The following WWOX variants were observed in gnomAD, a reference collection of about 807,000 sequenced individuals.
WWOX encodes the protein WW domain containing oxidoreductase, also known as WW domain-containing oxidoreductase.
In WWOX, 69 loss-of-function variants were observed where a neutral mutation model predicts 46.2. The observed-to-expected ratio is 1.49, with a 90% CI of 1.23 to 1.82. WWOX has a LOEUF of 1.82. Ranked by LOEUF, WWOX falls within the 40% of genes most tolerant of loss-of-function variation. The probability of loss-of-function intolerance (pLI) is 0.00; values close to 1 mark genes in which losing one functional copy is unlikely to be tolerated. For missense variants in WWOX, 919 were observed against 542.6 expected (o/e 1.69, Z -6.89); for synonymous variants, 359 against 202.6 (o/e 1.77, Z -6.56).
intron 8 of WWOX, among the ~76,000 whole-genome samples, chr16:78,801,260 A>C (rs545447940): frequency 2.7e-4 from 41 of 152,254 alleles, no homozygotes; most frequent in African/African-American, 9.6e-4. Flanking sequence ...CTGTAATCCC[A>C]GCTCTTTGGG....
chr16:79,177,683 C>G (rs550841499), intron 8 of WWOX, among the ~76,000 whole-genome samples: 2 of 152,178 alleles, frequency 1.3e-5, no homozygotes, highest in African/African-American at 2.4e-5. Context: ...ATGCTTGGCA[C>G]TTACATTTGA....
In WWOX at chr16:78,628,126, C is replaced by G. The variant is rs535257032; in HGVS notation, c.1056+195374C>G. On this transcript the variant is annotated intron_variant, in intron 8 of 8. Coordinates refer to ENST00000566780, the MANE Select transcript of WWOX (RefSeq NM_016373.4). ...CCTACAGTGGAATGAACCTTCACACCGAGGATCTGCTTCCTTTGTTGGAGG... is the reference window on the plus strand; with the variant it reads ...CCTACAGTGGAATGAACCTTCACACGGAGGATCTGCTTCCTTTGTTGGAGG... Among the ~76,000 whole-genome samples, 4 of 152,220 alleles carry G rather than the reference C, an allele frequency of 2.6e-5. No individual in the cohort carries two copies. The South Asian group carries it at 8.3e-4, about 32-fold the overall frequency.
At chr16:78,146,450 T>G (rs770866851) in intron 4 of WWOX, among the ~76,000 whole-genome samples, 12 of 151,930 alleles carry the variant, frequency 7.9e-5, no homozygotes, top group Non-Finnish European at 1.2e-4. Flanking sequence ...AGCTGTCGAG[T>G]CTCCAGAAGT....
intron 8 of WWOX, among the ~76,000 whole-genome samples, chr16:79,064,153 G>A (rs900836559): frequency 2.0e-5 from 3 of 152,166 alleles, no homozygotes; most frequent in African/African-American, 7.2e-5. Context: ...TTCCATCACA[G>A]GCAAAATGTG....
chr16:78,636,379 A>T (rs865903563), intron 8 of WWOX, among the ~76,000 whole-genome samples: 1 of 152,232 alleles, frequency 6.6e-6, no homozygotes, highest in South Asian at 2.1e-4. Context: ...ATATTTAATC[A>T]TCAGACTTTC....
chr16:79,115,050 T>C (rs2049487839), intron 8 of WWOX, among the ~76,000 whole-genome samples: 1 of 152,226 alleles, frequency 6.6e-6, no homozygotes, highest in Non-Finnish European at 1.5e-5. Context: ...CCTGCTCTGA[T>C]GACCTCTTGT....
chr16:78,755,013 C>T (rs546827457), intron 8 of WWOX, among the ~76,000 whole-genome samples: 223 of 94,148 alleles, frequency 2.4e-3, no homozygotes, highest in Non-Finnish European at 3.2e-3. Flanking sequence ...ACGTGGACAA[C>T]GGGAGGGGGG....
intron 8 of WWOX, among the ~76,000 whole-genome samples, chr16:78,585,463 C>A (rs779122145): frequency 9.2e-5 from 14 of 152,066 alleles, no homozygotes; most frequent in Admixed American, 2.0e-4. Context: ...CTGATGGGCC[C>A]CCAACTCAAC....
intron 8 of WWOX, among the ~76,000 whole-genome samples, chr16:78,456,328 G>A (rs1262102344): frequency 6.6e-6 from 1 of 152,128 alleles, no homozygotes; most frequent in African/African-American, 2.4e-5. Context: ...GGGCTGAGAG[G>A]CAAGAGAAGA....
intron 6 of WWOX, among the ~76,000 whole-genome samples, chr16:78,413,995 T>C (rs904367372): frequency 1.1e-4 from 17 of 151,720 alleles, no homozygotes; most frequent in African/African-American, 4.1e-4. Flanking sequence ...AGAAGTGAAA[T>C]AGCCAGTTCT....
chr16:78,249,412 C>T (rs1197933942), intron 5 of WWOX, among the ~76,000 whole-genome samples: 1 of 152,230 alleles, frequency 6.6e-6, no homozygotes, highest in African/African-American at 2.4e-5. Flanking sequence ...GTGATAGTAG[C>T]TACCTCCAGT....
intron 8 of WWOX, among the ~76,000 whole-genome samples, chr16:78,519,805 C>A (rs547311405): frequency 6.6e-6 from 1 of 152,186 alleles, no homozygotes; most frequent in African/African-American, 2.4e-5. Flanking sequence ...AACACCACAT[C>A]TACTGGCCCC....
rs540023587 is a variant in WWOX, at chr16:78,996,466, G to A, written c.1057-215142G>A. 234 of 346,084 alleles carry A rather than the reference G, an allele frequency of 6.8e-4. 1 individual carries two copies. The highest frequency in any genetic ancestry group is 9.1e-4 in the Admixed American group (13 of 14,340). The allele number at this position is 346,084 out of a possible 1,614,324, so 21.4% of individuals were successfully genotyped here. ...TATTCAAAGTGCTCAGCACTGGGCC[G>A]GACCCATGGGTATGCATTCATAATG... On this transcript the variant is annotated intron_variant, in intron 8 of 8. Coordinates refer to ENST00000566780, the MANE Select transcript of WWOX (RefSeq NM_016373.4).
intron 8 of WWOX, among the ~76,000 whole-genome samples, chr16:78,663,926 C>T (rs113503493): frequency 6.6e-4 from 100 of 152,276 alleles, no homozygotes; most frequent in Admixed American, 1.1e-3. Flanking sequence ...TAATAGACAA[C>T]GCTATCAAGA....
intron 8 of WWOX, among the ~76,000 whole-genome samples, chr16:78,724,588 C>A (rs1418307463): frequency 6.6e-6 from 1 of 152,134 alleles, no homozygotes; most frequent in East Asian, 1.9e-4. Flanking sequence ...GGGACATTGA[C>A]CCACTTATGT....
At chr16:78,885,905 G>A (rs1313068510) in intron 8 of WWOX, among the ~76,000 whole-genome samples, 2 of 150,820 alleles carry the variant, frequency 1.3e-5, no homozygotes, top group Non-Finnish European at 2.9e-5. Context: ...TCACATCCAC[G>A]TACAGGGATG....
chr16:78,661,708 C>G (rs937449178), intron 8 of WWOX, among the ~76,000 whole-genome samples: 1 of 152,090 alleles, frequency 6.6e-6, no homozygotes. Context: ...AAGGGCAGTG[C>G]AAATTGTTTC....
chr16:79,084,658 C>T (rs1252601169), intron 8 of WWOX, among the ~76,000 whole-genome samples: 2 of 152,172 alleles, frequency 1.3e-5, no homozygotes, highest in Non-Finnish European at 2.9e-5. Context: ...CGTGATGCAC[C>T]CGCATCGGCC....
intron 8 of WWOX, among the ~76,000 whole-genome samples, chr16:79,042,904 A>C (rs2047999493): frequency 6.6e-6 from 1 of 152,184 alleles, no homozygotes; most frequent in African/African-American, 2.4e-5. Context: ...CCTGGATTTT[A>C]AGTGATGCGT....
Sources: gnomAD v4.1 joint callset for allele counts (sites outside exome capture counted in the v4.1 genomes callset) on GRCh38, gnomAD v4.1.1 for gene constraint, MANE v1.5 for transcripts, NCBI Gene and HGNC (gene_info 2026-07-23, HGNC 2026-07-21) for gene names.